The following GALNTL6 variants were observed in gnomAD, a reference collection of about 807,000 sequenced individuals.
GALNTL6 encodes the protein polypeptide N-acetylgalactosaminyltransferase like 6.
In GALNTL6, 46 loss-of-function variants were observed where a neutral mutation model predicts 73.7. The ratio of observed to expected loss-of-function variants is 0.62; its 90% CI spans 0.49 to 0.80. The LOEUF is 0.80. Ranked by LOEUF, GALNTL6 falls within the 30% of genes least tolerant of loss-of-function variation. The probability of loss-of-function intolerance (pLI) is 0.00; values close to 1 mark genes in which losing one functional copy is unlikely to be tolerated. For missense variants in GALNTL6, 604 were observed against 755.0 expected (o/e 0.80, Z 2.34); for synonymous variants, 259 against 263.7 (o/e 0.98, Z 0.17).
intron 7 of GALNTL6, among the ~76,000 whole-genome samples, chr4:172,860,813 A>T (rs1014206297): frequency 6.6e-6 from 1 of 152,206 alleles, no homozygotes; most frequent in Non-Finnish European, 1.5e-5. Flanking sequence ...CTACTCAGCC[A>T]TTAGTACATT....
Position 173,009,716 on chromosome 4 carries a change from A to G in GALNTL6, c.1488+422A>G, listed in dbSNP as rs144127933. ...TCTTAAACTTGCTTTTCCCCTGACC[A>G]TGAACAGATCACTTTACATGGGCCT... On this transcript the variant is annotated intron_variant, in intron 11 of 12. Transcript: ENST00000506823. 3.4e-4 allele frequency among the ~76,000 whole-genome samples: 52 copies of G among 152,318 alleles called. 1 individual carries two copies. Among genetic ancestry groups the G allele is most frequent in the African/African-American group, 1.2e-3 (49 of 41,566 alleles).
intron 4 of GALNTL6, among the ~76,000 whole-genome samples, chr4:172,337,985 AG>A (rs1741404311): frequency 6.6e-6 from 1 of 152,060 alleles, no homozygotes; most frequent in Non-Finnish European, 1.5e-5. Context: ...TAAAAAAAAA[AG>A]ATTTTTGCTT....
chr4:171,883,528 C>T (rs774124832), intron 2 of GALNTL6, among the ~76,000 whole-genome samples: 1 of 152,044 alleles, frequency 6.6e-6, no homozygotes. Flanking sequence ...TCTTCTTCCA[C>T]TTGGTGGTAT....
At chr4:171,822,170 T>C (rs937606677) in intron 2 of GALNTL6, among the ~76,000 whole-genome samples, 1 of 152,194 alleles carries the variant, frequency 6.6e-6, no homozygotes, top group Admixed American at 6.5e-5. Context: ...TGAGTTTGGC[T>C]GGATTATTCG....
At chr4:172,320,411 A>G (rs1179988692) in intron 4 of GALNTL6, among the ~76,000 whole-genome samples, 1 of 152,194 alleles carries the variant, frequency 6.6e-6, no homozygotes, top group Non-Finnish European at 1.5e-5. Context: ...CACAAAACAT[A>G]TAGCACCAAA....
intron 12 of GALNTL6, among the ~76,000 whole-genome samples, chr4:173,038,153 A>G (rs1014346574): frequency 1.3e-5 from 2 of 152,246 alleles, no homozygotes; most frequent in Admixed American, 1.3e-4. Context: ...CAGGTCACCT[A>G]GAATTTTTAT....
At chr4:172,892,990 G>A (rs1746119726) in intron 8 of GALNTL6, among the ~76,000 whole-genome samples, 1 of 152,200 alleles carries the variant, frequency 6.6e-6, no homozygotes, top group Non-Finnish European at 1.5e-5. Context: ...TGGGTCAAGG[G>A]CAGAGGATGC....
At chr4:172,620,630 G>C (rs192438105) in intron 5 of GALNTL6, among the ~76,000 whole-genome samples, 16 of 152,168 alleles carry the variant, frequency 1.1e-4, no homozygotes, top group Admixed American at 8.5e-4. Context: ...GGTTGTTACA[G>C]AAACTATAAG....
At chr4:171,976,466 G>A (rs751535699) in intron 2 of GALNTL6, among the ~76,000 whole-genome samples, 11 of 152,304 alleles carry the variant, frequency 7.2e-5, no homozygotes, top group Non-Finnish European at 1.5e-4. Flanking sequence ...TAATTTCCAT[G>A]TATAAACACA....
chr4:172,866,638 T>TGCCTCCTG (rs1744680054), intron 7 of GALNTL6, among the ~76,000 whole-genome samples: 1 of 152,198 alleles, frequency 6.6e-6, no homozygotes, highest in African/African-American at 2.4e-5. Flanking sequence ...CTGCACTTAC[T>TGCCTCCTG]GCCTCCTGAC....
intron 8 of GALNTL6, among the ~76,000 whole-genome samples, chr4:172,924,042 G>A (rs1747922042): frequency 6.6e-6 from 1 of 152,104 alleles, no homozygotes; most frequent in Non-Finnish European, 1.5e-5. Context: ...GGAAAGGTAA[G>A]GGACTTAAGG....
At chr4:172,337,950 C>T (rs867786189) in intron 4 of GALNTL6, among the ~76,000 whole-genome samples, 10 of 151,866 alleles carry the variant, frequency 6.6e-5, no homozygotes, top group Middle Eastern at 3.4e-3. Context: ...CCATGTTTCT[C>T]GAAGACTTAA....
chr4:172,482,289 C>A (rs1004150404), intron 5 of GALNTL6, among the ~76,000 whole-genome samples: 22 of 152,238 alleles, frequency 1.4e-4, no homozygotes, highest in African/African-American at 5.3e-4. Context: ...GGAGCTGGCT[C>A]CAGCCTCCGA....
chr4:172,923,199 A>G (rs1263261313), intron 8 of GALNTL6, among the ~76,000 whole-genome samples: 4 of 152,154 alleles, frequency 2.6e-5, no homozygotes, highest in Non-Finnish European at 5.9e-5. Flanking sequence ...TACAAAATAA[A>G]GAGGTTTAAT....
intron 5 of GALNTL6, among the ~76,000 whole-genome samples, chr4:172,671,635 A>G (rs894936700): frequency 1.3e-5 from 2 of 152,134 alleles, no homozygotes; most frequent in African/African-American, 4.8e-5. Flanking sequence ...CTCTCTTCCT[A>G]TTTGAATGCA....
chr4:172,217,182 G>A (rs375821991), intron 2 of GALNTL6, among the ~76,000 whole-genome samples: 2 of 152,070 alleles, frequency 1.3e-5, no homozygotes, highest in East Asian at 3.9e-4. Flanking sequence ...GGAGGGCCTG[G>A]AAGAAAAAGA....
At chr4:172,075,516 T>C (rs991104909) in intron 2 of GALNTL6, among the ~76,000 whole-genome samples, 1 of 152,094 alleles carries the variant, frequency 6.6e-6, no homozygotes, top group African/African-American at 2.4e-5. Context: ...TTGGTATTTT[T>C]AGTAGAGACG....
intron 5 of GALNTL6, among the ~76,000 whole-genome samples, chr4:172,633,914 G>A (rs1436357405): frequency 1.3e-5 from 2 of 152,198 alleles, no homozygotes; most frequent in African/African-American, 2.4e-5. Context: ...CATATAAGAT[G>A]TAACTTTGCT....
At chr4:172,060,869 A>G (rs757330636) in intron 2 of GALNTL6, among the ~76,000 whole-genome samples, 33 of 152,222 alleles carry the variant, frequency 2.2e-4, no homozygotes, top group Non-Finnish European at 1.0e-4. Context: ...AAGGTCTTCC[A>G]GTTAATTTGA....
Sources: allele counts gnomAD v4.1 joint callset (sites outside exome capture counted in the v4.1 genomes callset), GRCh38; gene constraint gnomAD v4.1.1; transcripts MANE v1.5; gene names NCBI Gene and HGNC (gene_info 2026-07-23, HGNC 2026-07-21).